SLC1A7: variants seen among roughly 807,000 people sequenced by gnomAD.
The protein encoded by SLC1A7 is solute carrier family 1 member 7.
A neutral mutation model predicts 47.7 loss-of-function variants in SLC1A7; 40 were observed. The observed-to-expected ratio is 0.84, with a 90% CI of 0.65 to 1.09. The LOEUF is 1.09. SLC1A7 is among the 50% of genes least tolerant of loss of function. The pLI is 0.00. For synonymous variants in SLC1A7, 323 were observed against 325.6 expected, an observed-to-expected ratio of 0.99 and a Z score of 0.09; for missense variants, 746 against 769.5, an observed-to-expected ratio of 0.97 and a Z score of 0.36.
At chr1:53,133,400 A>G (rs938364844) in intron 2 of SLC1A7, among the ~76,000 whole-genome samples, 3 of 152,222 alleles carry the variant, frequency 2.0e-5, no homozygotes, top group Non-Finnish European at 4.4e-5. Flanking sequence ...TGCAGAAAAT[A>G]CAAAGCGCCC....
chr1:53,108,525 C>T lies in SLC1A7; in HGVS notation c.432-2751G>A, dbSNP rs1194525199. 65 of 715,054 alleles carry T rather than the reference C, an allele frequency of 9.1e-5. No homozygotes were observed. In the Admixed American group the frequency reaches 1.3e-3, roughly 14 times the overall value. 44.3% of individuals were successfully genotyped at this position (715,054 alleles called of 1,614,324 possible). On this transcript the variant is annotated intron_variant, in intron 3 of 10. Transcript: ENST00000371494. ...CTGATTCTCTTGCTAATGGGGTGGC[C>T]ATCGAGAGGTGAGTGGAAGTCGTTG...
At chr1:53,133,222 C>T (rs1223489624) in intron 2 of SLC1A7, among the ~76,000 whole-genome samples, 1 of 152,102 alleles carries the variant, frequency 6.6e-6, no homozygotes, top group Non-Finnish European at 1.5e-5. Flanking sequence ...GACTGCTGAC[C>T]CTGACAGATT....
intron 2 of SLC1A7, among the ~76,000 whole-genome samples, chr1:53,130,394 G>A (rs1644930461): frequency 1.3e-5 from 2 of 152,130 alleles, no homozygotes; most frequent in African/African-American, 4.8e-5. Context: ...TCCTGGAGAG[G>A]AGGTGGGAAC....
intron 1 of SLC1A7, among the ~76,000 whole-genome samples, chr1:53,141,816 C>T (rs1645060224): frequency 6.6e-6 from 1 of 152,196 alleles, no homozygotes. Context: ...TGTCGCTCTT[C>T]TGCCCAAAAG....
At chr1:53,106,623 C>T (rs1644645648) in intron 3 of SLC1A7, among the ~76,000 whole-genome samples, 1 of 150,018 alleles carries the variant, frequency 6.7e-6, no homozygotes, top group South Asian at 2.1e-4. Context: ...AAGTAACTGT[C>T]AAACTGTGAT....
At chr1:53,095,119 C>T (rs1349624759) in intron 5 of SLC1A7, among the ~76,000 whole-genome samples, 2 of 152,020 alleles carry the variant, frequency 1.3e-5, no homozygotes, top group East Asian at 3.9e-4. Context: ...CAGGCACACG[C>T]TGATGCGGGG....
At chr1:53,100,193 C>T (rs1644556189) in intron 5 of SLC1A7, among the ~76,000 whole-genome samples, 1 of 95,790 alleles carries the variant, frequency 1.0e-5, no homozygotes, top group Non-Finnish European at 2.4e-5. Context: ...ACACACCCCA[C>T]CTTGGTATAC....
intron 4 of SLC1A7, among the ~76,000 whole-genome samples, chr1:53,105,002 C>T (rs1444703606): frequency 6.6e-6 from 1 of 152,030 alleles, no homozygotes; most frequent in East Asian, 1.9e-4. Context: ...TGTAGTACCA[C>T]TAAACATTGT....
intron 1 of SLC1A7, among the ~76,000 whole-genome samples, chr1:53,139,449 A>G (rs1332106855): frequency 6.6e-6 from 1 of 152,212 alleles, no homozygotes; most frequent in East Asian, 1.9e-4. Flanking sequence ...GGGTGGCCCA[A>G]TACCCTCAAG....
chr1:53,088,115 G>A lies in SLC1A7; in HGVS notation c.1577C>T (p.Thr526Ile), dbSNP rs114522036. 2 of 1,612,946 alleles carry A rather than the reference G, an allele frequency of 1.2e-6. No homozygotes were observed. The highest frequency in any genetic ancestry group is 1.3e-5 in the African/African-American group (1 of 75,062). The change falls in exon 11 of 11, where the codon ACC becomes ATC. Residue 526 changes from threonine (T) to isoleucine (I), a missense_variant. Coordinates refer to ENST00000371494, the MANE Select transcript of SLC1A7 (RefSeq NM_006671.6). ...TTGAACGGGGACGTGGTGGGGGCAG[G>A]TGGGGCCCAGGGTGAGCTCGGAGGC... ...AEASELTLGP[T>I]CPHHVPVQVE...
At chr1:53,136,784 A>G (rs1186616579) in intron 1 of SLC1A7, among the ~76,000 whole-genome samples, 3 of 150,284 alleles carry the variant, frequency 2.0e-5, no homozygotes, top group African/African-American at 7.4e-5. Flanking sequence ...TTCACACCTC[A>G]GGCTCCCGAG....
chr1:53,118,987 A>G (rs1242940081), intron 2 of SLC1A7, among the ~76,000 whole-genome samples: 1 of 152,242 alleles, frequency 6.6e-6, no homozygotes, highest in Non-Finnish European at 1.5e-5. Flanking sequence ...ACAAGAGTGA[A>G]ACTCCGTTTC....
chr1:53,134,217 A>G, intron 2 of SLC1A7, 133 bp downstream of exon 2: 1 of 606,394 alleles, frequency 1.6e-6, no homozygotes, highest in Non-Finnish European at 2.9e-6. Context: ...CACTGCCCAT[A>G]AAGGCCCCAC....
intron 1 of SLC1A7, among the ~76,000 whole-genome samples, chr1:53,136,960 C>T (rs1645007179): frequency 6.6e-6 from 1 of 152,014 alleles, no homozygotes; most frequent in Non-Finnish European, 1.5e-5. Flanking sequence ...AGCCACTGCA[C>T]TGGCACCCAC....
chr1:53,098,011 C>T lies in SLC1A7; in HGVS notation c.698-4451G>A, dbSNP rs77988793. ...CACTCACACCACCTCGGTACACTCA[C>T]AAACCCTGCCTCGGTACACTCACAT... is the stretch of plus-strand genomic sequence containing the variant. On this transcript the variant is annotated intron_variant, in intron 5 of 10. Transcript: ENST00000371494. Among the ~76,000 whole-genome samples the T allele has an allele frequency of 7.9e-3, 1,190 of 150,854 alleles. 11 individuals are homozygous for T. The highest frequency in any genetic ancestry group is 0.014 in the Middle Eastern group (4 of 288).
rs145709346 is a variant in SLC1A7 at position 53,093,531 on chromosome 1, C to T, written c.727G>A (p.Gly243Arg). The T allele has an allele frequency of 3.4e-5, 55 of 1,608,400 alleles. 1 individual carries two copies. The highest frequency in any genetic ancestry group is 2.2e-4 in the East Asian group (10 of 44,834). ...GIMLGRMGDS[G>R]APLVSFCQCL... ...TGGCAGAAGCTGACCAGGGGGGCCC[C>T]GCTGTCACCCATGCGGCCCAGCATG... Residue 243 changes from glycine to arginine, a missense_variant, in exon 6 of 11, where the codon GGG (glycine) becomes AGG (arginine). Physicochemically the swap from Gly to Arg is moderately radical, Grantham distance 125. Coordinates refer to ENST00000371494, the MANE Select transcript of SLC1A7 (RefSeq NM_006671.6).
intron 3 of SLC1A7, among the ~76,000 whole-genome samples, chr1:53,107,580 G>GCTCT (rs10644085): frequency 1 from 152,164 of 152,346 alleles, 75,992 homozygotes; most frequent in Middle Eastern, 1. Context: ...TGCTTGAGAA[G>GCTCT]CTAAGACAGA....
intron 6 of SLC1A7, among the ~76,000 whole-genome samples, 156 bp downstream of exon 6, chr1:53,093,305 G>T (rs1046884281): frequency 2.6e-5 from 4 of 152,084 alleles, no homozygotes; most frequent in Non-Finnish European, 5.9e-5. Flanking sequence ...GGGGCTGGGG[G>T]ACCCATGGAA....
intron 9 of SLC1A7, 89 bp from the exon 10 acceptor site, chr1:53,089,068 C>T (rs1644391598): frequency 1.4e-5 from 14 of 1,026,630 alleles, no homozygotes; most frequent in South Asian, 2.6e-5. Flanking sequence ...ACAGCACGGC[C>T]GGTGACCAGC....
Sources: gnomAD v4.1 joint callset for allele counts (sites outside exome capture counted in the v4.1 genomes callset) on GRCh38, gnomAD v4.1.1 for gene constraint, MANE v1.5 for transcripts, NCBI Gene and HGNC (gene_info 2026-07-23, HGNC 2026-07-21) for gene names.